SMYD3: variants seen among roughly 807,000 people sequenced by gnomAD.
SMYD3 encodes histone-lysine N-methyltransferase SMYD3.
In SMYD3, 36 loss-of-function variants were observed where a neutral mutation model predicts 57.7. The observed-to-expected ratio is 0.62, with a 90% CI of 0.48 to 0.82. The LOEUF (loss-of-function observed/expected upper bound fraction) is 0.82. Ranked by LOEUF, SMYD3 falls within the 40% of genes least tolerant of loss-of-function variation. The pLI is 0.00. For missense variants in SMYD3, 515 were observed against 538.8 expected (o/e 0.96, Z 0.44); for synonymous variants, 211 against 195.0 (o/e 1.08, Z -0.68).
chr1:246,026,447 T>G (rs770676967), intron 5 of SMYD3, among the ~76,000 whole-genome samples: 3 of 152,208 alleles, frequency 2.0e-5, no homozygotes, highest in Non-Finnish European at 4.4e-5. Flanking sequence ...GTTTACTAGA[T>G]AGAAGGTTTG....
intron 5 of SMYD3, among the ~76,000 whole-genome samples, chr1:246,019,488 G>T (rs2059431917): frequency 6.6e-6 from 1 of 152,142 alleles, no homozygotes; most frequent in African/African-American, 2.4e-5. Flanking sequence ...ACAAATACTG[G>T]TCATAGAACC....
At chr1:246,401,277 T>A (rs1160372773) in intron 1 of SMYD3, among the ~76,000 whole-genome samples, 1 of 152,022 alleles carries the variant, frequency 6.6e-6, no homozygotes, top group Non-Finnish European at 1.5e-5. Context: ...CAGGAGTATC[T>A]CTTGAGCCCA....
In SMYD3 at chr1:246,128,032, T is replaced by C. The variant is rs532502244; in HGVS notation, c.532-198095A>G. On this transcript the variant is annotated intron_variant, in intron 5 of 11. Coordinates refer to ENST00000490107, the MANE Select transcript of SMYD3 (RefSeq NM_001167740.2). The stretch of plus-strand genomic sequence containing the variant: ...AGTATTAAGTATGCATTTATTATTA[T>C]CATCAACTTTTACAAAATGCAGTAA... Among the ~76,000 whole-genome samples, 5 of 152,222 alleles carry C rather than the reference T, an allele frequency of 3.3e-5. No homozygotes were observed. In the South Asian group the frequency reaches 1.0e-3, roughly 32 times the overall value.
chr1:245,801,755 G>C (rs1297984153), intron 10 of SMYD3, among the ~76,000 whole-genome samples: 4 of 148,668 alleles, frequency 2.7e-5, no homozygotes, highest in Admixed American at 1.3e-4. Flanking sequence ...AAAAACTCAA[G>C]TTGGAAAAAT....
At chr1:246,312,813 G>C (rs962949972) in intron 5 of SMYD3, among the ~76,000 whole-genome samples, 6 of 152,150 alleles carry the variant, frequency 3.9e-5, no homozygotes, top group African/African-American at 1.4e-4. Flanking sequence ...ACAGGCAGAA[G>C]GACAATGATG....
chr1:246,046,064 T>C (rs1332206353), intron 5 of SMYD3, among the ~76,000 whole-genome samples: 1 of 152,220 alleles, frequency 6.6e-6, no homozygotes. Flanking sequence ...GAAGACAGTG[T>C]GGCAATTCCT....
intron 5 of SMYD3, among the ~76,000 whole-genome samples, chr1:246,200,464 A>G (rs551253138): frequency 6.6e-6 from 1 of 152,310 alleles, no homozygotes; most frequent in East Asian, 1.9e-4. Context: ...ATGCTGAGCA[A>G]GAATGTACAC....
At chr1:245,826,696 C>T (rs2049515975) in intron 10 of SMYD3, among the ~76,000 whole-genome samples, 1 of 152,184 alleles carries the variant, frequency 6.6e-6, no homozygotes, top group Admixed American at 6.5e-5. Flanking sequence ...GTTTAATTGA[C>T]TCACAGTTCC....
At chr1:246,097,459 T>C (rs962469757) in intron 5 of SMYD3, among the ~76,000 whole-genome samples, 3 of 152,164 alleles carry the variant, frequency 2.0e-5, no homozygotes, top group Non-Finnish European at 4.4e-5. Context: ...ATGTTTTCCA[T>C]GTAATAAAGG....
intron 5 of SMYD3, among the ~76,000 whole-genome samples, chr1:246,178,233 G>C (rs915333477): frequency 6.6e-6 from 1 of 152,118 alleles, no homozygotes; most frequent in Non-Finnish European, 1.5e-5. Flanking sequence ...AGGGATCAGA[G>C]ACGGTCCTTC....
chr1:246,471,524 C>A (rs2067962443), intron 1 of SMYD3, among the ~76,000 whole-genome samples: 1 of 152,164 alleles, frequency 6.6e-6, no homozygotes, highest in Non-Finnish European at 1.5e-5. Flanking sequence ...ACTGCATTAA[C>A]CTGTCATCTT....
At chr1:246,284,194 C>T (rs1189493591) in intron 5 of SMYD3, among the ~76,000 whole-genome samples, 1 of 152,174 alleles carries the variant, frequency 6.6e-6, no homozygotes, top group Non-Finnish European at 1.5e-5. Flanking sequence ...TTAGATTAAG[C>T]TTTCCCAACA....
chr1:246,439,755 C>T (rs2067435456), intron 1 of SMYD3, among the ~76,000 whole-genome samples: 2 of 150,860 alleles, frequency 1.3e-5, no homozygotes, highest in Non-Finnish European at 3.0e-5. Flanking sequence ...GAAGACCAGC[C>T]CGTGCAACGT....
intron 1 of SMYD3, among the ~76,000 whole-genome samples, chr1:246,392,275 A>G (rs1444576539): frequency 1.3e-5 from 2 of 152,236 alleles, no homozygotes; most frequent in South Asian, 2.1e-4. Flanking sequence ...TTCACAACTC[A>G]TATCAGAGGA....
intron 5 of SMYD3, among the ~76,000 whole-genome samples, chr1:246,224,689 T>C (rs933066663): frequency 7.2e-5 from 11 of 151,934 alleles, no homozygotes; most frequent in Admixed American, 5.9e-4. Flanking sequence ...CAAGATATGA[T>C]GTTACGTTAG....
At chr1:246,399,147 A>C (rs1439357957) in intron 1 of SMYD3, among the ~76,000 whole-genome samples, 22 of 151,974 alleles carry the variant, frequency 1.4e-4, no homozygotes, top group Admixed American at 1.4e-3. Context: ...TCAGCCTCAC[A>C]AGTAGCTGGG....
intron 5 of SMYD3, among the ~76,000 whole-genome samples, chr1:246,124,736 G>A (rs1018748463): frequency 1.6e-4 from 25 of 152,270 alleles, no homozygotes; most frequent in African/African-American, 5.8e-4. Context: ...GCTTCAGCTA[G>A]AATATATCTT....
At chr1:246,501,263 C>T (rs1157792650) in intron 1 of SMYD3, among the ~76,000 whole-genome samples, 1 of 152,224 alleles carries the variant, frequency 6.6e-6, no homozygotes, top group African/African-American at 2.4e-5. Context: ...GCCTCTTCTA[C>T]TCTACTGACC....
intron 6 of SMYD3, among the ~76,000 whole-genome samples, chr1:245,928,278 T>C (rs963028514): frequency 1.3e-5 from 2 of 152,078 alleles, no homozygotes; most frequent in African/African-American, 2.4e-5. Flanking sequence ...ATAAAAAAAT[T>C]TCCTGAGTCC....
Sources: allele counts gnomAD v4.1 joint callset (sites outside exome capture counted in the v4.1 genomes callset), GRCh38; gene constraint gnomAD v4.1.1; transcripts MANE v1.5; gene names NCBI Gene and HGNC (gene_info 2026-07-23, HGNC 2026-07-21).